Variants in SMURF1 observed in about 807,000 individuals in gnomAD.
The protein encoded by SMURF1 is E3 ubiquitin-protein ligase SMURF1.
SMURF1 carries 44 observed loss-of-function variants against 98.0 expected under a neutral mutation model. The observed-to-expected ratio is 0.45, with a 90% CI of 0.35 to 0.58. SMURF1 has a LOEUF of 0.58. Ranked by LOEUF, SMURF1 falls within the 20% of genes least tolerant of loss-of-function variation. The pLI is 0.00. For synonymous variants in SMURF1, 396 were observed against 374.9 expected (o/e 1.06, Z -0.65); for missense variants, 687 against 938.4 (o/e 0.73, Z 3.50).
chr7:99,059,567 A>T lies in SMURF1; in HGVS notation c.203+1032T>A, dbSNP rs538890608. 5.9e-5 allele frequency among the ~76,000 whole-genome samples: 9 copies of T among 152,234 alleles called. No homozygotes were observed. In the East Asian group the frequency reaches 1.7e-3, roughly 29 times the overall value. On this transcript the variant is annotated intron_variant, in intron 3 of 17. Transcript: ENST00000361368. ...TTTCTCTTGCAGAAAATATATATGT[A>T]CTAAAAAGCAAAAATTTTCAAAGTC...
In SMURF1 at chr7:99,040,446, C is replaced by G. The variant is rs1389318979; in HGVS notation, c.1482G>C (p.Gly494=). Residue 494 remains glycine (G), a synonymous_variant, in exon 13 of 18, where the codon GGG becomes GGC. Transcript: ENST00000361368. ...CCAGATCTGAGAGCTGGATGGGCTT[C>G]CCCAGCAGCTGCTTGTAGAAGGGCA... ...FTVPFYKQLL[G]KPIQLSDLES... 1 of 1,594,764 alleles carries G rather than the reference C, an allele frequency of 6.3e-7. No individual in the cohort carries two copies. Among genetic ancestry groups the G allele is most frequent in the African/African-American group, 1.3e-5 (1 of 74,240 alleles).
chr7:99,043,343 A>T (rs1795455572), intron 11 of SMURF1, among the ~76,000 whole-genome samples: 1 of 152,220 alleles, frequency 6.6e-6, no homozygotes, highest in Non-Finnish European at 1.5e-5. Context: ...TGTAATACAC[A>T]TGCAACTGAA....
chr7:99,056,055 A>G (rs1162628992), intron 5 of SMURF1, among the ~76,000 whole-genome samples: 1 of 152,244 alleles, frequency 6.6e-6, no homozygotes, highest in East Asian at 1.9e-4. Flanking sequence ...CTTTACTATG[A>G]ACAAGACTTT....
chr7:99,051,520 G>T (rs960922703), intron 7 of SMURF1, 79 bp from the exon 8 acceptor site: 2 of 1,089,114 alleles, frequency 1.8e-6, no homozygotes, highest in African/African-American at 1.5e-5. Flanking sequence ...ATGCCCTCAC[G>T]TCTGGTATTA....
chr7:99,088,664 T>C (rs1332927456), intron 1 of SMURF1, among the ~76,000 whole-genome samples: 3 of 152,062 alleles, frequency 2.0e-5, no homozygotes, highest in Non-Finnish European at 2.9e-5. Flanking sequence ...AGAAATAGAA[T>C]AGTATCGTAG....
intron 3 of SMURF1, among the ~76,000 whole-genome samples, chr7:99,060,310 C>T (rs182794888): frequency 0.018 from 2,499 of 141,572 alleles, 34 homozygotes; most frequent in Admixed American, 0.031. Context: ...ACCCGGGAGG[C>T]GGAGGTTGCA....
At chr7:99,095,241 G>A (rs759126187) in intron 1 of SMURF1, among the ~76,000 whole-genome samples, 2 of 151,934 alleles carry the variant, frequency 1.3e-5, no homozygotes, top group Admixed American at 6.6e-5. Context: ...CACCATGTCC[G>A]GCTAATTTTT....
Position 99,066,839 on chromosome 7 carries a change from T to G in SMURF1, c.56-5002A>C, listed in dbSNP as rs576779909. Among the ~76,000 whole-genome samples the G allele has an allele frequency of 2.6e-4, 39 of 152,002 alleles. No homozygotes were observed. In the South Asian group the frequency reaches 7.3e-3, roughly 28 times the overall value. ...TGCTTCAATTCCCTGTAAGGATCAT[T>G]TCAGGTCATTCTGAATGTGGTTAAG... On this transcript the variant is annotated intron_variant, in intron 1 of 17. Coordinates refer to ENST00000361368, the MANE Select transcript of SMURF1 (RefSeq NM_181349.3).
At chr7:99,048,040 G>A (rs1056118764) in intron 9 of SMURF1, 158 bp from the exon 10 acceptor site, 4 of 675,094 alleles carry the variant, frequency 5.9e-6, no homozygotes, top group African/African-American at 5.4e-5. Flanking sequence ...AGCTAGCTGT[G>A]TCAAACTTGC....
At chr7:99,076,305 G>A (rs141525814) in intron 1 of SMURF1, among the ~76,000 whole-genome samples, 107 of 152,340 alleles carry the variant, frequency 7.0e-4, no homozygotes, top group African/African-American at 2.4e-3. Flanking sequence ...GAAACCTGAC[G>A]AACACCATCT....
chr7:99,069,165 T>C (rs757930855), intron 1 of SMURF1, among the ~76,000 whole-genome samples: 3 of 152,142 alleles, frequency 2.0e-5, no homozygotes, highest in African/African-American at 4.8e-5. Context: ...CTGGGCAATA[T>C]TATACTGATC....
At chr7:99,070,981 G>A (rs1217304960) in intron 1 of SMURF1, among the ~76,000 whole-genome samples, 1 of 151,578 alleles carries the variant, frequency 6.6e-6, no homozygotes, top group Non-Finnish European at 1.5e-5. Flanking sequence ...CAAAGCAGAA[G>A]TATTATTATA....
intron 1 of SMURF1, among the ~76,000 whole-genome samples, chr7:99,063,677 A>G (rs1480669140): frequency 6.6e-6 from 1 of 152,048 alleles, no homozygotes; most frequent in Non-Finnish European, 1.5e-5. Context: ...GACAACTATC[A>G]TTACAATCAA....
intron 11 of SMURF1, among the ~76,000 whole-genome samples, chr7:99,044,195 C>T (rs1795493899): frequency 6.6e-6 from 1 of 152,020 alleles, no homozygotes; most frequent in African/African-American, 2.4e-5. Flanking sequence ...ACCTGTAATC[C>T]CAGCTACTCA....
At chr7:99,111,464 A>C (rs6955273) in intron 1 of SMURF1, among the ~76,000 whole-genome samples, 144,186 of 152,272 alleles carry the variant, frequency 0.95, 68,684 homozygotes, top group East Asian at 1. Flanking sequence ...AAATAAATTT[A>C]TTTTCTTTAT....
At chr7:99,126,018 AGAGC>A (rs1333447854) in intron 1 of SMURF1, among the ~76,000 whole-genome samples, 2 of 152,166 alleles carry the variant, frequency 1.3e-5, no homozygotes, top group African/African-American at 4.8e-5. Context: ...AGATCTTTCT[AGAGC>A]CAGTTCACAT....
intron 11 of SMURF1, among the ~76,000 whole-genome samples, chr7:99,043,962 C>T (rs1032724293): frequency 6.6e-6 from 1 of 152,170 alleles, no homozygotes; most frequent in African/African-American, 2.4e-5. Flanking sequence ...CATCAGGCTG[C>T]ACAGAGGCCT....
chr7:99,110,063 G>C (rs1004845490), intron 1 of SMURF1, among the ~76,000 whole-genome samples: 2 of 152,116 alleles, frequency 1.3e-5, no homozygotes, highest in Admixed American at 6.5e-5. Flanking sequence ...ATTGTTCATT[G>C]ATATGATTAT....
intron 1 of SMURF1, among the ~76,000 whole-genome samples, chr7:99,122,851 C>T (rs1269784066): frequency 6.9e-6 from 1 of 145,498 alleles, no homozygotes; most frequent in Admixed American, 7.1e-5. Context: ...CAAAATATCT[C>T]GAAGATCAAA....
Sources: gnomAD v4.1 joint callset for allele counts (sites outside exome capture counted in the v4.1 genomes callset) on GRCh38, gnomAD v4.1.1 for gene constraint, MANE v1.5 for transcripts, NCBI Gene and HGNC (gene_info 2026-07-23, HGNC 2026-07-21) for gene names.